CA8: variants seen among roughly 807,000 people sequenced by gnomAD.
CA8 encodes the protein carbonic anhydrase 8 (inactive), also known as carbonic anhydrase-related protein.
CA8 carries 22 observed loss-of-function variants against 41.4 expected under a neutral mutation model. That is an observed-to-expected ratio of 0.53 (90% CI 0.38 to 0.76). The LOEUF is 0.76. Among genes scored for constraint, CA8 ranks in the 30% least tolerant of loss-of-function variants. The pLI is 0.00. For synonymous variants in CA8, 121 were observed against 130.6 expected (o/e 0.93, Z 0.50); for missense variants, 270 against 352.8 (o/e 0.77, Z 1.88).
chr8:60,203,664 T>C (rs1159241071), intron 8 of CA8, among the ~76,000 whole-genome samples: 1 of 152,202 alleles, frequency 6.6e-6, no homozygotes, highest in Non-Finnish European at 1.5e-5. Context: ...ATTTATTCAA[T>C]GCTTTTTTAA....
At chr8:60,271,092 C>T (rs928516746) in intron 2 of CA8, among the ~76,000 whole-genome samples, 2 of 152,132 alleles carry the variant, frequency 1.3e-5, no homozygotes, top group Non-Finnish European at 2.9e-5. Flanking sequence ...CCTGTAATCC[C>T]GGTTCTAAGG....
intron 3 of CA8, among the ~76,000 whole-genome samples, chr8:60,247,547 T>C (rs954476779): frequency 1.3e-5 from 2 of 152,206 alleles, no homozygotes; most frequent in African/African-American, 4.8e-5. Flanking sequence ...AGAATGATGG[T>C]TTCCAGCTTC....
chr8:60,277,059 G>A (rs111834155), intron 2 of CA8, among the ~76,000 whole-genome samples: 3,594 of 150,978 alleles, frequency 0.024, 126 homozygotes, highest in African/African-American at 0.081. Flanking sequence ...GGTGGAGATT[G>A]CAGTGAGTCA....
At chr8:60,254,015 C>T (rs1249232758) in intron 3 of CA8, among the ~76,000 whole-genome samples, 1 of 152,220 alleles carries the variant, frequency 6.6e-6, no homozygotes, top group Admixed American at 6.5e-5. Context: ...GCACCAGCCA[C>T]AGTGGCAAAC....
chr8:60,219,936 A>AC (rs1238563944), intron 7 of CA8, among the ~76,000 whole-genome samples: 17 of 101,008 alleles, frequency 1.7e-4, no homozygotes, highest in Admixed American at 1.4e-3. Context: ...ACTTAAAAAA[A>AC]AAAAAAAAAA....
chr8:60,224,892 AC>A (rs538972199), intron 5 of CA8, among the ~76,000 whole-genome samples: 118 of 152,074 alleles, frequency 7.8e-4, no homozygotes, highest in Non-Finnish European at 1.4e-3. Flanking sequence ...CACATTCATA[AC>A]AGAGATTTGG....
intron 8 of CA8, chr8:60,208,091 A>C (rs1207126677): frequency 6.6e-6 from 1 of 152,396 alleles, no homozygotes; most frequent in East Asian, 1.9e-4. Flanking sequence ...TTTATATTTT[A>C]TCTCTTCCGT....
intron 3 of CA8, among the ~76,000 whole-genome samples, chr8:60,243,757 G>C (rs1053766852): frequency 6.6e-6 from 1 of 152,136 alleles, no homozygotes; most frequent in African/African-American, 2.4e-5. Flanking sequence ...CTTCCCCTGG[G>C]TTTCGTGGTG....
intron 7 of CA8, among the ~76,000 whole-genome samples, chr8:60,214,637 G>A (rs1806953528): frequency 6.6e-6 from 1 of 152,102 alleles, no homozygotes; most frequent in African/African-American, 2.4e-5. Context: ...TCATGAATGG[G>A]GTCAGACTTC....
chr8:60,192,941 A>G (rs939926960), intron 8 of CA8, among the ~76,000 whole-genome samples: 135 of 108,718 alleles, frequency 1.2e-3, no homozygotes, highest in African/African-American at 4.7e-3. Context: ...CATCATGCAC[A>G]CACACACACA....
intron 8 of CA8, among the ~76,000 whole-genome samples, chr8:60,194,497 C>T (rs1269281602): frequency 6.6e-6 from 1 of 152,148 alleles, no homozygotes; most frequent in Non-Finnish European, 1.5e-5. Context: ...GACATGAGGT[C>T]TGAGGATGTT....
At chr8:60,202,002 T>C (rs1017546914) in intron 8 of CA8, among the ~76,000 whole-genome samples, 2 of 142,368 alleles carry the variant, frequency 1.4e-5, no homozygotes, top group Admixed American at 6.9e-5. Context: ...TATAGTTTGA[T>C]AGCTTTATGT....
intron 2 of CA8, among the ~76,000 whole-genome samples, chr8:60,271,956 G>C (rs1166477239): frequency 6.6e-6 from 1 of 152,156 alleles, no homozygotes; most frequent in Non-Finnish European, 1.5e-5. Flanking sequence ...GATACATGTG[G>C]CAGCCTTAAT....
At chr8:60,198,079 A>G (rs1380492820) in intron 8 of CA8, among the ~76,000 whole-genome samples, 1 of 152,172 alleles carries the variant, frequency 6.6e-6, no homozygotes, top group Non-Finnish European at 1.5e-5. Flanking sequence ...AGATAAACAC[A>G]GTGCATAATG....
intron 8 of CA8, among the ~76,000 whole-genome samples, 151 bp from the exon 9 acceptor site, chr8:60,190,136 GT>G (rs1806073801): frequency 4.6e-5 from 7 of 151,770 alleles, no homozygotes; most frequent in Admixed American, 4.6e-4. Context: ...TTGTGCTCAA[GT>G]TTGTTATCTC....
At chr8:60,245,136 G>A (rs780012389) in intron 3 of CA8, among the ~76,000 whole-genome samples, 2 of 151,950 alleles carry the variant, frequency 1.3e-5, no homozygotes, top group African/African-American at 2.4e-5. Context: ...TTAACTCCAC[G>A]GCCATGAGAC....
At chr8:60,195,268 T>C (rs1451649530) in intron 8 of CA8, among the ~76,000 whole-genome samples, 29 of 152,352 alleles carry the variant, frequency 1.9e-4, no homozygotes, top group African/African-American at 7.0e-4. Context: ...GCAGATGCCA[T>C]CTTTCACATG....
intron 3 of CA8, among the ~76,000 whole-genome samples, chr8:60,256,800 G>T (rs895758413): frequency 6.6e-6 from 1 of 151,828 alleles, no homozygotes; most frequent in Admixed American, 6.6e-5. Flanking sequence ...ATAATAAAAA[G>T]GTGTGTCAGG....
intron 2 of CA8, among the ~76,000 whole-genome samples, chr8:60,276,203 G>A (rs78143755): frequency 0.024 from 3,621 of 152,140 alleles, 125 homozygotes; most frequent in African/African-American, 0.081. Flanking sequence ...GGAGACAAAC[G>A]AGGGGACTTC....
Sources: allele counts gnomAD v4.1 joint callset (sites outside exome capture counted in the v4.1 genomes callset), GRCh38; gene constraint gnomAD v4.1.1; transcripts MANE v1.5; gene names NCBI Gene and HGNC (gene_info 2026-07-23, HGNC 2026-07-21).